DHX29: variants seen among roughly 807,000 people sequenced by gnomAD.
DHX29 encodes the protein ATP-dependent RNA helicase DHX29.
A neutral mutation model predicts 167.9 loss-of-function variants in DHX29; 79 were observed. That is an observed-to-expected ratio of 0.47 (90% CI 0.39 to 0.57). The LOEUF is 0.57. Ranked by LOEUF, DHX29 falls within the 20% of genes least tolerant of loss-of-function variation. The pLI, the probability that DHX29 is intolerant of heterozygous loss-of-function variation, is 0.00. For missense variants in DHX29, 1,347 were observed against 1,593.4 expected (o/e 0.85, Z 2.63); for synonymous variants, 530 against 546.0 (o/e 0.97, Z 0.41).
intron 23 of DHX29, among the ~76,000 whole-genome samples, chr5:55,266,649 G>C (rs1228602630): frequency 6.6e-6 from 1 of 151,382 alleles, no homozygotes; most frequent in Non-Finnish European, 1.5e-5. Flanking sequence ...TTTTAAAAGA[G>C]ATAGGGTCTC....
chr5:55,290,419 G>A (rs1747984100), intron 6 of DHX29, 75 bp from the exon 7 acceptor site: 1 of 1,426,370 alleles, frequency 7.0e-7, no homozygotes, highest in Non-Finnish European at 9.3e-7. Flanking sequence ...TCAATAAACT[G>A]TATCAAAATC....
rs1309844391 is a variant in DHX29, at chr5:55,283,423, A to T, written c.1745T>A (p.Val582Asp). 1 of 1,614,212 alleles carries T rather than the reference A, an allele frequency of 6.2e-7. No individual in the cohort carries two copies. Among genetic ancestry groups the T allele is most frequent in the Non-Finnish European group, 8.5e-7 (1 of 1,180,028 alleles). ...LPVFKHRDSI[V>D]ETLKRHRVVV... is the part of the protein sequence containing the mutation. ...TACCCGATGCCTTTTAAGAGTTTCA[A>T]CAATTGAGTCCCGATGTTTAAATAC... Residue 582 changes from valine (V) to aspartate (D), a missense_variant, in exon 11 of 27, where the codon GTT (valine) becomes GAT (aspartate). Val to Asp is a radical substitution (Grantham distance 152). Coordinates refer to ENST00000251636, the MANE Select transcript of DHX29 (RefSeq NM_019030.4).
At position 55,265,969 on chromosome 5, in the gene DHX29, T is replaced by C. The variant is rs982447826; in HGVS notation, c.3525+1169A>G. Among the ~76,000 whole-genome samples the C allele has an allele frequency of 3.9e-5, 6 of 152,246 alleles. No homozygotes were observed. The South Asian group carries it at 1.2e-3, about 32-fold the overall frequency. ...ATAACCACATTTCAGAGTTGAGAAATGTAGATTCTCTCCTTTCAACTTTTT... is the reference window on the plus strand; with the variant it reads ...ATAACCACATTTCAGAGTTGAGAAACGTAGATTCTCTCCTTTCAACTTTTT... On this transcript the variant is annotated intron_variant, in intron 23 of 26. Transcript: ENST00000251636.
chr5:55,284,198 G>A (rs1747595671), intron 10 of DHX29, among the ~76,000 whole-genome samples: 2 of 152,078 alleles, frequency 1.3e-5, no homozygotes, highest in African/African-American at 4.8e-5. Context: ...CATATTCTGA[G>A]GTTAAGATAT....
At chr5:55,279,874 A>AT (rs70992776) in intron 12 of DHX29, among the ~76,000 whole-genome samples, 30 of 148,754 alleles carry the variant, frequency 2.0e-4, no homozygotes, top group Admixed American at 3.3e-4. Context: ...TCCTGGCCAG[A>AT]TTTTTTTTTT....
At chr5:55,295,126 G>C (rs1332218289) in intron 5 of DHX29, 1 of 332,308 alleles carries the variant, frequency 3.0e-6, no homozygotes, top group East Asian at 5.2e-5. Flanking sequence ...ATACTTCCTG[G>C]AACCGAAGAA....
At position 55,277,174 on chromosome 5, in the gene DHX29, C is replaced by T. The variant is rs374681347; in HGVS notation, c.2218G>A (p.Glu740Lys). The change falls in exon 13 of 27, where the codon GAA becomes AAA. Residue 740 changes from glutamate to lysine, a missense_variant. This residue lies in a region of DHX29 where 882 missense variants were observed against 1,082.4 expected (regional missense o/e 0.81). Transcript: ENST00000251636. ...TGTGTGAAATATGTAGAAAATTTTT[C>T]GCTGTCCACAGTGGCACTCATTAGA... ...LILMSATVDS[E>K]KFSTYFTHCP... 13 of 1,612,606 alleles carry T rather than the reference C, an allele frequency of 8.1e-6. No individual in the cohort carries two copies. Among genetic ancestry groups the T allele is most frequent in the African/African-American group, 1.3e-5 (1 of 75,002 alleles).
At chr5:55,281,069 ACACACACACACG>A (rs1747379423) in intron 12 of DHX29, among the ~76,000 whole-genome samples, 3 of 146,898 alleles carry the variant, frequency 2.0e-5, no homozygotes, top group African/African-American at 7.8e-5. Context: ...ATATACACAC[ACACACACACACG>A]CTATATATAA....
intron 13 of DHX29, 135 bp downstream of exon 13, chr5:55,276,971 C>A: frequency 3.5e-6 from 2 of 575,638 alleles, no homozygotes; most frequent in Non-Finnish European, 3.0e-6. Flanking sequence ...ATTCTTAAGG[C>A]TGTGTCCAGC....
chr5:55,266,803 A>G (rs1395427094), intron 23 of DHX29, among the ~76,000 whole-genome samples: 1 of 151,404 alleles, frequency 6.6e-6, no homozygotes, highest in Non-Finnish European at 1.5e-5. Context: ...TTTGGTAGAG[A>G]CGCAGTCTCA....
intron 1 of DHX29, among the ~76,000 whole-genome samples, chr5:55,305,843 A>G (rs975003104): frequency 2.0e-5 from 3 of 152,208 alleles, no homozygotes; most frequent in African/African-American, 7.2e-5. Context: ...TGCCAACTTG[A>G]GCTTGGAAGA....
chr5:55,259,820 G>A lies in DHX29; in HGVS notation c.4057+28C>T, dbSNP rs374163067. 3.1e-6 allele frequency: 4 copies of A among 1,307,482 alleles called. No individual in the cohort carries two copies. The African/African-American group carries it at 5.8e-5, about 19-fold the overall frequency. The allele number at this position is 1,307,482 out of a possible 1,614,324, so 81.0% of individuals were successfully genotyped here. A position where few individuals can be genotyped will look rare whatever the true frequency, so the allele number is the denominator to read the frequency against. ...TGTACACATACACATATGTGTATAT[G>A]GTCTTTCACTTATAAGCAAACACTT... is the stretch of plus-strand genomic sequence containing the variant. On this transcript the variant is annotated intron_variant, in intron 26 of 26. Transcript: ENST00000251636.
At chr5:55,296,724 G>A (rs997516874) in intron 3 of DHX29, among the ~76,000 whole-genome samples, 3 of 151,948 alleles carry the variant, frequency 2.0e-5, no homozygotes, top group Admixed American at 6.6e-5. Context: ...TCCACTGGGT[G>A]GACATATCCT....
At chr5:55,288,961 G>C (rs998621194) in intron 8 of DHX29, among the ~76,000 whole-genome samples, 2 of 152,178 alleles carry the variant, frequency 1.3e-5, no homozygotes, top group African/African-American at 4.8e-5. Context: ...GATGTCAGTA[G>C]GCTCACAGCC....
chr5:55,274,510 A>G (rs1204683788), intron 16 of DHX29, 104 bp downstream of exon 16: 1 of 811,038 alleles, frequency 1.2e-6, no homozygotes, highest in African/African-American at 1.8e-5. Flanking sequence ...AGGTAATTTT[A>G]ACCCATGGTG....
rs1168889943 is a variant in DHX29 at position 55,262,684 on chromosome 5, T to C, written c.3774A>G (p.Pro1258=). Residue 1258 remains proline, a synonymous_variant, in exon 24 of 27, where the codon CCA becomes CCG. Transcript: ENST00000251636. ...TTTGCAAATCTCGATTTACTGAGGA[T>C]GGGTGTACTTGTGCTTTGCCTTGGG... ...ETAQGKAQVH[P]SSVNRDLQTH... 1.9e-6 allele frequency: 3 copies of C among 1,614,092 alleles called. No individual in the cohort carries two copies. Among genetic ancestry groups the C allele is most frequent in the East Asian group, 2.2e-5 (1 of 44,886 alleles).
chr5:55,280,108 T>C (rs1198118929), intron 12 of DHX29, among the ~76,000 whole-genome samples: 1 of 152,172 alleles, frequency 6.6e-6, no homozygotes, highest in East Asian at 1.9e-4. Flanking sequence ...GGGTCCTGTA[T>C]AATGTCATGG....
At chr5:55,296,481 T>A in intron 3 of DHX29, 132 bp from the exon 4 acceptor site, 1 of 1,187,604 alleles carries the variant, frequency 8.4e-7, no homozygotes, top group Non-Finnish European at 1.1e-6. Context: ...TTTTCCCAGT[T>A]AAAAATGAAA....
In DHX29 at chr5:55,274,683, A is replaced by G; in HGVS notation, c.2621T>C (p.Leu874Ser). 1.9e-6 allele frequency: 3 copies of G among 1,604,480 alleles called. No individual in the cohort carries two copies. Among genetic ancestry groups the G allele is most frequent in the Non-Finnish European group, 2.5e-6 (3 of 1,176,638 alleles). The change falls in exon 16 of 27, where the codon TTA becomes TCA. Residue 874 changes from leucine to serine, a missense_variant. By Grantham distance (145) the Leu-to-Ser change is moderately radical (BLOSUM62 -2). Coordinates refer to ENST00000251636, the MANE Select transcript of DHX29 (RefSeq NM_019030.4). ...CTGCTGAATATGAGCAAGTCCTGGT[A>G]AAAAGATCAATACTGCTCCTTCAAT... ...RNIEGAVLIF[L>S]PGLAHIQQLY...
Sources: allele counts gnomAD v4.1 joint callset (sites outside exome capture counted in the v4.1 genomes callset), GRCh38; gene constraint gnomAD v4.1.1; regional missense constraint gnomAD v4.1.1; transcripts MANE v1.5; gene names NCBI Gene and HGNC (gene_info 2026-07-23, HGNC 2026-07-21).